The following WAPL variants were observed in gnomAD, a reference collection of about 807,000 sequenced individuals.
WAPL encodes the protein WAPL cohesin release factor.
Under a neutral mutation model 121.0 loss-of-function variants are expected in WAPL, and 5 were observed. The ratio of observed to expected loss-of-function variants is 0.04; its 90% confidence interval spans 0.02 to 0.09. WAPL has a LOEUF of 0.09. WAPL is among the 10% of genes least tolerant of loss of function. The pLI, the probability that WAPL is intolerant of heterozygous loss-of-function variation, is 1.00. For missense variants in WAPL, 999 were observed against 1,410.8 expected (o/e 0.71, Z 4.68); for synonymous variants, 480 against 481.5 (o/e 1.00, Z 0.04).
rs769025596 is a variant in WAPL, at chr10:86,443,375, G to A, written c.3323-12C>T. On this transcript the variant is annotated splice_polypyrimidine_tract_variant and intron_variant, in intron 16 of 18. Coordinates refer to ENST00000298767, the MANE Select transcript of WAPL (RefSeq NM_015045.5). ...GGCATGCTGAAGGGCTGAGAGAATT[G>A]AAGTAAAGAATTGTAACAGTATATT... 4 of 1,612,758 alleles carry A rather than the reference G, an allele frequency of 2.5e-6. No individual in the cohort carries two copies. The highest frequency in any genetic ancestry group is 1.1e-5 in the South Asian group (1 of 90,970).
chr10:86,476,134 G>T (rs1841646713), intron 4 of WAPL, among the ~76,000 whole-genome samples: 1 of 152,230 alleles, frequency 6.6e-6, no homozygotes, highest in Non-Finnish European at 1.5e-5. Flanking sequence ...GGGAGGCTGA[G>T]GCGGGCGGAT....
intron 2 of WAPL, among the ~76,000 whole-genome samples, chr10:86,507,162 G>A (rs967554124): frequency 1.3e-5 from 2 of 151,144 alleles, no homozygotes; most frequent in Non-Finnish European, 2.9e-5. Context: ...GAGTTCAGGA[G>A]TCCAAGACCA....
At chr10:86,495,576 GA>G (rs1253240408) in intron 4 of WAPL, among the ~76,000 whole-genome samples, 2 of 151,760 alleles carry the variant, frequency 1.3e-5, no homozygotes, top group South Asian at 4.2e-4. Flanking sequence ...TGAATTATAG[GA>G]AAAAAACATA....
intron 4 of WAPL, among the ~76,000 whole-genome samples, chr10:86,487,452 T>G (rs549197279): frequency 6.6e-6 from 1 of 152,342 alleles, no homozygotes; most frequent in South Asian, 2.1e-4. Context: ...ACAACTTTTC[T>G]GAATCATCAT....
intron 9 of WAPL, among the ~76,000 whole-genome samples, chr10:86,465,458 G>A (rs754111363): frequency 5.3e-5 from 8 of 152,116 alleles, no homozygotes; most frequent in African/African-American, 1.9e-4. Context: ...CACCCACCTC[G>A]GATTCCCAAA....
chr10:86,451,723 T>C (rs2132172329), intron 15 of WAPL, among the ~76,000 whole-genome samples: 1 of 152,296 alleles, frequency 6.6e-6, no homozygotes, highest in Admixed American at 6.5e-5. Flanking sequence ...TTACAAATTC[T>C]GGTTTAAAAT....
chr10:86,513,879 AGTT>A (rs145956452), intron 2 of WAPL, among the ~76,000 whole-genome samples: 10,153 of 152,256 alleles, frequency 0.067, 632 homozygotes, highest in East Asian at 0.38. Context: ...ACTTTGAATG[AGTT>A]GTTAAAATTT....
Position 86,517,858 on chromosome 10 carries a change from T to A in WAPL, c.212A>T (p.Asp71Val), listed in dbSNP as rs1842592022. The A allele has an allele frequency of 6.2e-7, 1 of 1,614,068 alleles. No homozygotes were observed. Among genetic ancestry groups the A allele is most frequent in the Non-Finnish European group, 8.5e-7 (1 of 1,180,026 alleles). Residue 71 changes from aspartate (D) to valine (V), a missense_variant, in exon 2 of 19, where the codon GAT (aspartate) becomes GTT (valine). Around this residue, in one of 7 missense-constraint regions of WAPL, gnomAD observed 531 missense variants for 563.1 expected, o/e 0.94. Transcript: ENST00000298767. ...ATCATCACTATCAAATCCAAAAGGA[T>A]CTCCAGTACTTTCTTCTTCCACTTT... is the stretch of plus-strand genomic sequence containing the variant. ...KPKVEEESTG[D>V]PFGFDSDDES...
Position 86,436,263 on chromosome 10 carries a change from A to G in WAPL, c.*1280T>C, listed in dbSNP as rs1330760619. The stretch of plus-strand genomic sequence containing the variant: ...TTTCCCCAATACACACCAAACTAAT[A>G]TTTTTATGGCTTCAAGTTTTACAAA... On this transcript the variant is annotated 3_prime_UTR_variant, in exon 19 of 19. Coordinates refer to ENST00000298767, the MANE Select transcript of WAPL (RefSeq NM_015045.5). The G allele has an allele frequency of 6.6e-6, 1 of 152,648 alleles. No homozygotes were observed. Among genetic ancestry groups the G allele is most frequent in the Non-Finnish European group, 1.5e-5 (1 of 68,040 alleles). The allele number at this position is 152,648 out of a possible 1,614,324, so 9.5% of individuals were successfully genotyped here.
At chr10:86,505,980 G>C (rs1842341639) in intron 2 of WAPL, among the ~76,000 whole-genome samples, 1 of 152,308 alleles carries the variant, frequency 6.6e-6, no homozygotes, top group East Asian at 1.9e-4. Flanking sequence ...TTATGGGCCA[G>C]AAGCACTGGT....
chr10:86,472,655 T>C lies in WAPL; in HGVS notation c.1850A>G (p.Gln617Arg). 4.3e-6 allele frequency: 7 copies of C among 1,614,006 alleles called. No homozygotes were observed. Among genetic ancestry groups the C allele is most frequent in the East Asian group, 2.2e-5 (1 of 44,848 alleles). The change falls in exon 6 of 19, where the codon CAA (glutamine) becomes CGA (arginine). Residue 617 changes from glutamine (Q) to arginine (R), a missense_variant. Physicochemically the swap from Gln to Arg is conservative, Grantham distance 43. Around this residue, in one of 7 missense-constraint regions of WAPL, gnomAD observed 74 missense variants for 115.1 expected, o/e 0.64. Transcript: ENST00000298767. This position sits in a 1 kb window ranked among gnomAD's most constrained non-coding sequence, Gnocchi z 4.2. ...GCATTTCAGTGCAGTAACTATATCT[T>C]GGTAGGGCTGAGTAGGTATTGTCAC... The part of the protein sequence containing the change: ...KTVTIPTQPY[Q>R]DIVTALKCRR...
At chr10:86,501,417 T>C (rs1180432372) in intron 2 of WAPL, among the ~76,000 whole-genome samples, 1 of 152,214 alleles carries the variant, frequency 6.6e-6, no homozygotes, top group Non-Finnish European at 1.5e-5. Flanking sequence ...TTGCCTTCAA[T>C]TTTTACTATC....
In WAPL at chr10:86,437,908, A is replaced by T; in HGVS notation, c.3507+12T>A. ...ATTTAAAATCATATAAGCTGTAATA[A>T]AAGCTACTTACAGTGAGATTCATAA... On this transcript the variant is annotated intron_variant, in intron 18 of 18. Transcript: ENST00000298767. 5 of 1,572,054 alleles carry T rather than the reference A, an allele frequency of 3.2e-6. No individual in the cohort carries two copies. The highest frequency in any genetic ancestry group is 3.5e-6 in the Non-Finnish European group (4 of 1,142,976).
intron 2 of WAPL, among the ~76,000 whole-genome samples, chr10:86,506,612 ACT>A (rs777119402): frequency 3.3e-5 from 5 of 151,744 alleles, no homozygotes; most frequent in African/African-American, 7.3e-5. Context: ...ACAAAGCAAG[ACT>A]CTCTCTACAA....
intron 4 of WAPL, among the ~76,000 whole-genome samples, chr10:86,496,454 C>T (rs150133877): frequency 7.8e-4 from 118 of 152,096 alleles, no homozygotes; most frequent in African/African-American, 2.6e-3. Context: ...TCCAAAAGAA[C>T]TGAAAGCAGA....
At chr10:86,496,136 G>A (rs1842145371) in intron 4 of WAPL, among the ~76,000 whole-genome samples, 3 of 151,988 alleles carry the variant, frequency 2.0e-5, no homozygotes, top group African/African-American at 4.8e-5. Context: ...CAAAAAAACT[G>A]GGCAAAGGAC....
At chr10:86,509,767 T>G (rs994614264) in intron 2 of WAPL, among the ~76,000 whole-genome samples, 1 of 5,246 alleles carries the variant, frequency 1.9e-4, no homozygotes, top group African/African-American at 3.9e-4. Flanking sequence ...GCTCTTTGGT[T>G]TTTTTTTTTT....
rs900974444 is a variant in WAPL, at chr10:86,436,681, CTA to C, written c.*860_*861del. ...TTGTACTGAACATTAGAAAATATATCTAGAGAGTCTTTCCTCAAAATCTAATA... is the reference window on the plus strand; with the variant it reads ...TTGTACTGAACATTAGAAAATATATCGAGAGTCTTTCCTCAAAATCTAATA... On this transcript the variant is annotated 3_prime_UTR_variant, in exon 19 of 19. Coordinates refer to ENST00000298767, the MANE Select transcript of WAPL (RefSeq NM_015045.5). The C allele has an allele frequency of 6.6e-6, 1 of 152,600 alleles. No individual in the cohort carries two copies. Among genetic ancestry groups the C allele is most frequent in the Non-Finnish European group, 1.5e-5 (1 of 68,022 alleles). 9.5% of individuals were successfully genotyped at this position (152,600 alleles called of 1,614,324 possible).
intron 4 of WAPL, among the ~76,000 whole-genome samples, chr10:86,496,444 T>C (rs1369778814): frequency 6.6e-6 from 1 of 151,792 alleles, no homozygotes; most frequent in Non-Finnish European, 1.5e-5. Flanking sequence ...TAGGTATATA[T>C]CCAAAAGAAC....
Sources: gnomAD v4.1 joint callset for allele counts (sites outside exome capture counted in the v4.1 genomes callset) on GRCh38, gnomAD v4.1.1 for gene constraint, gnomAD v4.1.1 regional missense constraint, Gnocchi (gnomAD v3.1) non-coding constraint, MANE v1.5 for transcripts, NCBI Gene and HGNC (gene_info 2026-07-23, HGNC 2026-07-21) for gene names.